Variants in DCC observed in about 807,000 individuals in gnomAD.
DCC encodes DCC netrin 1 receptor, also known as netrin receptor DCC.
Under a neutral mutation model 172.5 loss-of-function variants are expected in DCC, and 58 were observed. The observed-to-expected ratio is 0.34, with a 90% CI of 0.27 to 0.42. The LOEUF (loss-of-function observed/expected upper bound fraction) is 0.42. Among genes scored for constraint, DCC ranks in the 10% least tolerant of loss-of-function variants. The pLI, the probability that DCC is intolerant of heterozygous loss-of-function variation, is 1.00. For synonymous variants in DCC, 709 were observed against 644.5 expected, an observed-to-expected ratio of 1.10 and a Z score of -1.52; for missense variants, 1,740 against 1,791.0, an observed-to-expected ratio of 0.97 and a Z score of 0.51.
rs529375767 is a variant in DCC at position 52,740,776 on chromosome 18, G to T, written c.92-11278G>T. Among the ~76,000 whole-genome samples the T allele has an allele frequency of 3.9e-5, 6 of 152,252 alleles. No homozygotes were observed. The South Asian group carries it at 1.0e-3, about 26-fold the overall frequency. On this transcript the variant is annotated intron_variant, in intron 1 of 28. Coordinates refer to ENST00000442544, the MANE Select transcript of DCC (RefSeq NM_005215.4). ...TAATGAGGTAGGTTCTTGGTCTCTTGGCACCTTCAGTAACTGTACTCTTTG... is the reference window on the plus strand; with the variant it reads ...TAATGAGGTAGGTTCTTGGTCTCTTTGCACCTTCAGTAACTGTACTCTTTG...
At chr18:52,364,041 G>A (rs1456377508) in intron 1 of DCC, among the ~76,000 whole-genome samples, 1 of 152,192 alleles carries the variant, frequency 6.6e-6, no homozygotes, top group African/African-American at 2.4e-5. Flanking sequence ...GCAGGTTGGT[G>A]TTCCTTGAGT....
At chr18:53,268,696 A>ATCG (rs1454704244) in intron 12 of DCC, among the ~76,000 whole-genome samples, 1 of 152,130 alleles carries the variant, frequency 6.6e-6, no homozygotes, top group Non-Finnish European at 1.5e-5. Flanking sequence ...TTATGGAGGA[A>ATCG]TCGTGGTGCT....
At chr18:53,492,609 T>A (rs928273005) in intron 26 of DCC, among the ~76,000 whole-genome samples, 3 of 152,148 alleles carry the variant, frequency 2.0e-5, no homozygotes, top group African/African-American at 4.8e-5. Flanking sequence ...AAAGATCAGA[T>A]GGTTGTAGAT....
At chr18:53,377,771 A>G (rs1907414046) in intron 15 of DCC, among the ~76,000 whole-genome samples, 1 of 152,176 alleles carries the variant, frequency 6.6e-6, no homozygotes, top group Admixed American at 6.5e-5. Flanking sequence ...AATGAGGAGG[A>G]GTTGCTGTTA....
At position 53,399,626 on chromosome 18, in the gene DCC, C is replaced by A. The variant is rs1374874960; in HGVS notation, c.2827+2180C>A. Among the ~76,000 whole-genome samples the A allele has an allele frequency of 8.0e-3, 6 of 748 alleles. 3 individuals are homozygous for A. Among genetic ancestry groups the A allele is most frequent in the Admixed American group, 0.5 (2 of 4 alleles). The allele number at this position is 748 out of a possible 152,430, so 0.5% of individuals were successfully genotyped here. A position where few individuals can be genotyped will look rare whatever the true frequency, so the allele number is the denominator to read the frequency against. ...GAGAGCCAAAGAAATCAGAGGGGGC[C>A]GGGCGCGGTGGCTCACGCCTGTAAT... On this transcript the variant is annotated intron_variant, in intron 18 of 28. Transcript: ENST00000442544.
chr18:52,984,224 T>C (rs2041256955), intron 5 of DCC, among the ~76,000 whole-genome samples: 3 of 152,086 alleles, frequency 2.0e-5, no homozygotes, highest in Admixed American at 1.3e-4. Flanking sequence ...TTGAGCTATT[T>C]TATAGTTTCA....
Position 52,447,243 on chromosome 18 carries a change from A to G in DCC, c.91+106365A>G, listed in dbSNP as rs531804628. Among the ~76,000 whole-genome samples, 66 of 152,338 alleles carry G rather than the reference A, an allele frequency of 4.3e-4. 1 individual carries two copies. In the Middle Eastern group the frequency reaches 0.02, roughly 47 times the overall value. ...ACTCTCACTCTGCTAACCATTTGAT[A>G]TGGTTATCAAACAGTATCTTCAACA... On this transcript the variant is annotated intron_variant, in intron 1 of 28. Transcript: ENST00000442544.
rs552918711 is a variant in DCC at position 53,172,003 on chromosome 18, C to T, written c.1419-6959C>T. Among the ~76,000 whole-genome samples, 11 of 152,168 alleles carry T rather than the reference C, an allele frequency of 7.2e-5. No homozygotes were observed. The South Asian group carries it at 2.3e-3, about 32-fold the overall frequency. ...TTCCTGAAAGAACTTAAAACAGATC[C>T]ACAATTTAGCCCAGCAATCCTATTA... On this transcript the variant is annotated intron_variant, in intron 8 of 28. Transcript: ENST00000442544.
chr18:53,267,599 C>G (rs917743102), intron 12 of DCC, among the ~76,000 whole-genome samples: 1 of 152,164 alleles, frequency 6.6e-6, no homozygotes, highest in Non-Finnish European at 1.5e-5. Context: ...CCTAGAACCA[C>G]AGGCATGAAT....
chr18:53,358,218 T>C (rs148094837), intron 15 of DCC, among the ~76,000 whole-genome samples: 11 of 152,236 alleles, frequency 7.2e-5, no homozygotes, highest in African/African-American at 2.6e-4. Context: ...TCGGTGCTTT[T>C]ATTTTATAAA....
intron 1 of DCC, among the ~76,000 whole-genome samples, chr18:52,584,079 G>A (rs200738314): frequency 6.6e-6 from 1 of 152,124 alleles, no homozygotes; most frequent in African/African-American, 2.4e-5. Flanking sequence ...AGGATCTGAA[G>A]GTTGCAGTAA....
At chr18:53,233,521 C>T (rs528333335) in intron 12 of DCC, among the ~76,000 whole-genome samples, 19 of 152,122 alleles carry the variant, frequency 1.2e-4, no homozygotes, top group Non-Finnish European at 2.5e-4. Context: ...TTATTTCCTG[C>T]GGTTTCAAGG....
chr18:52,494,272 G>GTT (rs960501514), intron 1 of DCC, among the ~76,000 whole-genome samples: 1 of 140,504 alleles, frequency 7.1e-6, no homozygotes, highest in Non-Finnish European at 1.6e-5. Context: ...TGATGTGTGT[G>GTT]TGTGTGTGTG....
At chr18:53,325,818 A>G (rs895562971) in intron 14 of DCC, among the ~76,000 whole-genome samples, 2 of 152,190 alleles carry the variant, frequency 1.3e-5, no homozygotes, top group Admixed American at 6.5e-5. Context: ...TACAAACATG[A>G]AAACAGCAAG....
At chr18:53,067,696 G>A (rs1327842899) in intron 7 of DCC, among the ~76,000 whole-genome samples, 1 of 152,176 alleles carries the variant, frequency 6.6e-6, no homozygotes, top group Non-Finnish European at 1.5e-5. Flanking sequence ...TGTTAATACA[G>A]ATCCAAATAC....
intron 5 of DCC, among the ~76,000 whole-genome samples, chr18:53,014,961 A>G (rs1032476855): frequency 3.9e-5 from 6 of 152,158 alleles, no homozygotes; most frequent in Non-Finnish European, 7.4e-5. Flanking sequence ...CTTATTTAAT[A>G]TGTGTTCTTC....
intron 24 of DCC, among the ~76,000 whole-genome samples, chr18:53,462,219 G>T (rs879262029): frequency 6.6e-6 from 1 of 152,114 alleles, no homozygotes; most frequent in East Asian, 1.9e-4. Flanking sequence ...GATCAGTACT[G>T]GTTCATGGCC....
At chr18:52,868,904 C>G (rs905346134) in intron 2 of DCC, among the ~76,000 whole-genome samples, 1 of 152,194 alleles carries the variant, frequency 6.6e-6, no homozygotes, top group Non-Finnish European at 1.5e-5. Flanking sequence ...GCATGGGCAC[C>G]GGTACTCTGC....
At chr18:53,204,622 A>ATTTATCCTTC (rs2055596558) in intron 9 of DCC, among the ~76,000 whole-genome samples, 1 of 152,120 alleles carries the variant, frequency 6.6e-6, no homozygotes, top group African/African-American at 2.4e-5. Flanking sequence ...CAGACAAGTT[A>ATTTATCCTTC]TTTATCCTTC....
Sources: allele counts gnomAD v4.1 joint callset (sites outside exome capture counted in the v4.1 genomes callset), GRCh38; gene constraint gnomAD v4.1.1; transcripts MANE v1.5; gene names NCBI Gene and HGNC (gene_info 2026-07-23, HGNC 2026-07-21).